MGAT4C: variants seen among roughly 807,000 people sequenced by gnomAD.
MGAT4C encodes the protein MGAT4 family member C.
In MGAT4C, 19 loss-of-function variants were observed where a neutral mutation model predicts 40.1. The observed-to-expected ratio is 0.47, with a 90% confidence interval of 0.33 to 0.70. MGAT4C has a LOEUF of 0.70. Ranked by LOEUF, MGAT4C falls within the 30% of genes least tolerant of loss-of-function variation. The pLI is 0.02. For synonymous variants in MGAT4C, 181 were observed against 187.1 expected (o/e 0.97, Z 0.27); for missense variants, 491 against 563.2 (o/e 0.87, Z 1.30).
chr12:86,751,497 C>T (rs1951231034), intron 1 of MGAT4C, among the ~76,000 whole-genome samples: 1 of 151,878 alleles, frequency 6.6e-6, no homozygotes, highest in South Asian at 2.1e-4. Flanking sequence ...TTTTCCTTCC[C>T]ACTCCCTGAA....
At chr12:86,184,396 C>T (rs890851645) in intron 1 of MGAT4C, among the ~76,000 whole-genome samples, 1 of 150,884 alleles carries the variant, frequency 6.6e-6, no homozygotes, top group African/African-American at 2.4e-5. Context: ...AAAGCTTTTA[C>T]TTTTATTTAC....
chr12:86,481,661 G>T (rs1475615834), intron 2 of MGAT4C, among the ~76,000 whole-genome samples: 1 of 151,484 alleles, frequency 6.6e-6, no homozygotes, highest in Non-Finnish European at 1.5e-5. Flanking sequence ...ACACATAATA[G>T]AATTCTAGTT....
intron 2 of MGAT4C, among the ~76,000 whole-genome samples, chr12:86,688,040 AG>A (rs1950104403): frequency 6.6e-6 from 1 of 151,694 alleles, no homozygotes; most frequent in Non-Finnish European, 1.5e-5. Context: ...ATATTTATTT[AG>A]GATAGTTAGT....
intron 1 of MGAT4C, among the ~76,000 whole-genome samples, chr12:86,238,411 T>TA (rs956654770): frequency 6.6e-6 from 1 of 152,112 alleles, no homozygotes; most frequent in Admixed American, 6.6e-5. Flanking sequence ...TACAAAATCA[T>TA]AAAAAAATCA....
chr12:86,815,713 C>T (rs1006038854), intron 1 of MGAT4C, among the ~76,000 whole-genome samples: 1 of 151,456 alleles, frequency 6.6e-6, no homozygotes, highest in African/African-American at 2.4e-5. Flanking sequence ...TTGCAGTGAC[C>T]TGGATGGGAT....
intron 2 of MGAT4C, among the ~76,000 whole-genome samples, chr12:86,454,076 T>C (rs140031925): frequency 3.2e-4 from 48 of 152,108 alleles, no homozygotes; most frequent in African/African-American, 1.1e-3. Flanking sequence ...CAGAAAACTA[T>C]AAAGGAAAAA....
chr12:86,227,985 A>G (rs1293290391), intron 1 of MGAT4C, among the ~76,000 whole-genome samples: 28 of 151,818 alleles, frequency 1.8e-4, no homozygotes, highest in Admixed American at 1.8e-3. Context: ...TCTTTTTTCA[A>G]GTATAATAGC....
At chr12:86,407,797 C>T (rs1411502762) in intron 3 of MGAT4C, among the ~76,000 whole-genome samples, 1 of 151,976 alleles carries the variant, frequency 6.6e-6, no homozygotes, top group Non-Finnish European at 1.5e-5. Flanking sequence ...AAGATGAAGA[C>T]ATATTGTAGC....
At chr12:86,296,306 G>A (rs537220116) in intron 4 of MGAT4C, among the ~76,000 whole-genome samples, 5 of 152,058 alleles carry the variant, frequency 3.3e-5, no homozygotes, top group African/African-American at 1.2e-4. Context: ...AACTCTCCAC[G>A]TCCCCACCAG....
intron 2 of MGAT4C, among the ~76,000 whole-genome samples, chr12:86,704,099 A>G (rs1950412004): frequency 6.6e-6 from 1 of 152,180 alleles, no homozygotes; most frequent in Non-Finnish European, 1.5e-5. Flanking sequence ...AGAGCTAATT[A>G]TAATTATATT....
intron 1 of MGAT4C, among the ~76,000 whole-genome samples, chr12:86,746,567 G>A (rs570627584): frequency 5.3e-5 from 8 of 151,704 alleles, no homozygotes; most frequent in Non-Finnish European, 1.0e-4. Context: ...AACCTGTTCA[G>A]TTAGGACTAT....
upstream of MGAT4C, among the ~76,000 whole-genome samples, chr12:86,258,211 T>G (rs182140370): frequency 8.7e-4 from 132 of 152,096 alleles, 1 homozygote; most frequent in Non-Finnish European, 1.2e-3. Flanking sequence ...TCAATTTTTT[T>G]TTTGTTTGTT....
At chr12:86,732,839 A>T in intron 1 of MGAT4C, among the ~76,000 whole-genome samples, 1 of 152,078 alleles carries the variant, frequency 6.6e-6, no homozygotes, top group Admixed American at 6.6e-5. Flanking sequence ...AAAAAAAAAA[A>T]AAAAAAAGGA....
intron 2 of MGAT4C, among the ~76,000 whole-genome samples, chr12:86,665,290 C>A (rs1422477344): frequency 6.6e-6 from 1 of 152,134 alleles, no homozygotes; most frequent in African/African-American, 2.4e-5. Context: ...TTCTTCTCTA[C>A]AATTTTCTTC....
chr12:86,234,025 T>C (rs1415163374), intron 1 of MGAT4C, among the ~76,000 whole-genome samples: 1 of 152,178 alleles, frequency 6.6e-6, no homozygotes, highest in African/African-American at 2.4e-5. Context: ...TAATTTATTT[T>C]ATGTTTTTCA....
At chr12:86,260,103 T>C (rs536816969), upstream of MGAT4C, among the ~76,000 whole-genome samples, 7 of 152,152 alleles carry the variant, frequency 4.6e-5, no homozygotes, top group African/African-American at 1.7e-4. Flanking sequence ...TTAAATCTGC[T>C]CAAAAAATGG....
chr12:86,015,259 G>A (rs1194534030), intron 2 of MGAT4C, among the ~76,000 whole-genome samples: 1 of 151,474 alleles, frequency 6.6e-6, no homozygotes, highest in Non-Finnish European at 1.5e-5. Context: ...ACCAATGTGT[G>A]TGTGTTTTCC....
rs1324661346 is a variant in MGAT4C, at chr12:86,235,789, T to A, written c.-57+20450A>T. 5.3e-5 allele frequency among the ~76,000 whole-genome samples: 8 copies of A among 152,058 alleles called. 1 individual carries two copies. Among genetic ancestry groups the A allele is most frequent in the Admixed American group, 4.6e-4 (7 of 15,236 alleles). On this transcript the variant is annotated intron_variant, in intron 1 of 4. Coordinates refer to ENST00000611864, the MANE Select transcript of MGAT4C (RefSeq NM_001351288.2). Reference sequence around the variant, plus strand: ...CTGAGTAGATACTTGCTTCCTTCATTAAAGCGTGATTCTGGAAGGCCAGTA... The same window carrying A: ...CTGAGTAGATACTTGCTTCCTTCATAAAAGCGTGATTCTGGAAGGCCAGTA...
At chr12:86,410,172 T>A (rs1592808557) in intron 3 of MGAT4C, among the ~76,000 whole-genome samples, 1 of 152,232 alleles carries the variant, frequency 6.6e-6, no homozygotes, top group East Asian at 1.9e-4. Context: ...GATAAACATC[T>A]TAAACAACTG....
Sources: allele counts gnomAD v4.1 joint callset (sites outside exome capture counted in the v4.1 genomes callset), GRCh38; gene constraint gnomAD v4.1.1; transcripts MANE v1.5; gene names NCBI Gene and HGNC (gene_info 2026-07-23, HGNC 2026-07-21).